PXDN: variants seen among roughly 807,000 people sequenced by gnomAD.
PXDN encodes peroxidasin homolog.
A neutral mutation model predicts 140.3 loss-of-function variants in PXDN; 77 were observed. The ratio of observed to expected loss-of-function variants is 0.55; its 90% confidence interval spans 0.46 to 0.66. The LOEUF (loss-of-function observed/expected upper bound fraction) is 0.66, where lower values mean the gene tolerates loss of function less well. PXDN is among the 30% of genes least tolerant of loss of function. The probability of loss-of-function intolerance (pLI) is 0.00; values close to 1 mark genes in which losing one functional copy is unlikely to be tolerated. For missense variants in PXDN, 1,838 were observed against 2,039.5 expected (o/e 0.90, Z 1.90); for synonymous variants, 911 against 857.4 (o/e 1.06, Z -1.09).
At chr2:1,655,827 CCA>C (rs201995861) in intron 14 of PXDN, among the ~76,000 whole-genome samples, 3 of 151,302 alleles carry the variant, frequency 2.0e-5, no homozygotes, top group African/African-American at 4.9e-5. Flanking sequence ...GACGCACACA[CCA>C]CACACACACA....
intron 1 of PXDN, among the ~76,000 whole-genome samples, chr2:1,742,852 C>A (rs995235801): frequency 6.6e-6 from 1 of 152,226 alleles, no homozygotes; most frequent in Non-Finnish European, 1.5e-5. Flanking sequence ...AAGCAGCCTG[C>A]AAACTCGGCG....
intron 6 of PXDN, among the ~76,000 whole-genome samples, chr2:1,680,726 C>T (rs552506002): frequency 6.6e-6 from 1 of 152,256 alleles, no homozygotes; most frequent in Non-Finnish European, 1.5e-5. Flanking sequence ...CAGGTGGGAG[C>T]CACTCACAGA....
chr2:1,635,321 C>T (rs1397494375), intron 22 of PXDN, 87 bp downstream of exon 22: 14 of 1,160,886 alleles, frequency 1.2e-5, no homozygotes, highest in Non-Finnish European at 1.8e-5. Flanking sequence ...CTGGCCCTGA[C>T]ATCTGGGCCA....
intron 1 of PXDN, among the ~76,000 whole-genome samples, chr2:1,694,756 G>A (rs746309532): frequency 1.3e-5 from 2 of 152,172 alleles, no homozygotes; most frequent in Non-Finnish European, 2.9e-5. Flanking sequence ...ACTGGGAGGC[G>A]GTGCTGGAGG....
intron 12 of PXDN, among the ~76,000 whole-genome samples, chr2:1,662,442 CAGAG>C (rs930044588): frequency 5.9e-5 from 9 of 152,212 alleles, no homozygotes; most frequent in Non-Finnish European, 1.3e-4. Flanking sequence ...CTTCCCTGCT[CAGAG>C]ACAGACAGCC....
intron 9 of PXDN, among the ~76,000 whole-genome samples, chr2:1,670,111 A>G (rs1572144667): frequency 6.6e-6 from 1 of 152,214 alleles, no homozygotes; most frequent in African/African-American, 2.4e-5. Flanking sequence ...TGGATTTTAC[A>G]CTATGCTACC....
intron 1 of PXDN, among the ~76,000 whole-genome samples, chr2:1,718,699 G>A (rs75915229): frequency 0.027 from 4,098 of 152,356 alleles, 168 homozygotes; most frequent in African/African-American, 0.093. Context: ...ACGGGGTGAC[G>A]CGGGCAGGGC....
chr2:1,651,392 C>G lies in PXDN; in HGVS notation c.2105-1717G>C, dbSNP rs772940322. Among the ~76,000 whole-genome samples the G allele has an allele frequency of 6.6e-6, 1 of 152,146 alleles. No homozygotes were observed. Among genetic ancestry groups the G allele is most frequent in the Non-Finnish European group, 1.5e-5 (1 of 68,032 alleles). On this transcript the variant is annotated intron_variant, in intron 16 of 22. Transcript: ENST00000252804. This position sits in a 1 kb window ranked among gnomAD's most constrained non-coding sequence, Gnocchi z 4.4. ...CCCAGTTTCCCAGGACTGGTTTGCC[C>G]ACATCTGTCCTCACCCCATGCAGAG...
intron 1 of PXDN, among the ~76,000 whole-genome samples, chr2:1,708,386 C>A (rs376008273): frequency 6.6e-6 from 1 of 152,318 alleles, no homozygotes; most frequent in East Asian, 1.9e-4. Context: ...CCTGAGGCCC[C>A]CTGTGGATGG....
chr2:1,649,149 G>T lies in PXDN; in HGVS notation c.2631C>A (p.Phe877Leu). 1 of 1,608,566 alleles carries T rather than the reference G, an allele frequency of 6.2e-7. No homozygotes were observed. Among genetic ancestry groups the T allele is most frequent in the South Asian group, 1.1e-5 (1 of 90,942 alleles). Residue 877 changes from phenylalanine to leucine, a missense_variant, in exon 17 of 23, where the codon TTC (phenylalanine) becomes TTA (leucine). Coordinates refer to ENST00000252804, the MANE Select transcript of PXDN (RefSeq NM_012293.3). This position sits in a 1 kb window ranked among gnomAD's most constrained non-coding sequence, Gnocchi z 7.1. ...SRARSGARCMFFVRSSPVCGS... is the reference protein window; with the variant it reads ...SRARSGARCMLFVRSSPVCGS... ...CGCACACAGGGCTGGAGCGCACGAA[G>T]AACATGCAGCGGGCCCCGCTCCTGG...
intron 21 of PXDN, chr2:1,637,196 G>A (rs11684077): frequency 0.85 from 129,929 of 152,570 alleles, 56,176 homozygotes; most frequent in East Asian, 1. Flanking sequence ...ATGACCTTGG[G>A]GTTCACAGAC....
intron 4 of PXDN, among the ~76,000 whole-genome samples, chr2:1,684,640 A>G (rs987994578): frequency 6.6e-6 from 1 of 152,222 alleles, no homozygotes; most frequent in Non-Finnish European, 1.5e-5. Context: ...AAGACCACAA[A>G]GGAAACACAA....
In PXDN at chr2:1,639,520, C is replaced by T. The variant is rs1229649461; in HGVS notation, c.3953-98G>A. The T allele has an allele frequency of 1.2e-5, 18 of 1,560,384 alleles. No homozygotes were observed. The South Asian group carries it at 1.3e-4, about 11-fold the overall frequency. On this transcript the variant is annotated intron_variant, in intron 19 of 22. Transcript: ENST00000252804. This position sits in a 1 kb window ranked among gnomAD's most constrained non-coding sequence, Gnocchi z 5.0. ...AACTATGAAGTCTTCACTGGCTGCC[C>T]GTGGAACAAACTGTGGCACATTTCA...
Position 1,691,918 on chromosome 2 carries a change from A to G in PXDN, c.344+10T>C, listed in dbSNP as rs1387655700. On this transcript the variant is annotated intron_variant, in intron 3 of 22. Transcript: ENST00000252804. ...AAGCTTTTAGGTTAAAGAACTGATC[A>G]TTAACTTACAGATATTTTAAATTTT... The G allele has an allele frequency of 1.4e-6, 2 of 1,455,332 alleles. No homozygotes were observed. The highest frequency in any genetic ancestry group is 1.9e-6 in the Non-Finnish European group (2 of 1,077,370). The allele number at this position is 1,455,332 out of a possible 1,614,324, so 90.2% of individuals were successfully genotyped here. A position where few individuals can be genotyped will look rare whatever the true frequency, so the allele number is the denominator to read the frequency against.
At chr2:1,740,494 G>A (rs1457417611) in intron 1 of PXDN, among the ~76,000 whole-genome samples, 1 of 151,974 alleles carries the variant, frequency 6.6e-6, no homozygotes. Context: ...AGGGCCTGGG[G>A]GGCCTGCAGG....
chr2:1,727,772 T>A (rs1685223119), intron 1 of PXDN, among the ~76,000 whole-genome samples: 1 of 152,230 alleles, frequency 6.6e-6, no homozygotes, highest in African/African-American at 2.4e-5. Flanking sequence ...GGCCTCCACG[T>A]GGCGTGTTCT....
intron 1 of PXDN, among the ~76,000 whole-genome samples, chr2:1,730,758 C>T (rs752516242): frequency 6.6e-6 from 1 of 152,134 alleles, no homozygotes; most frequent in Non-Finnish European, 1.5e-5. Context: ...TGAGGTCAAA[C>T]CCAAATCTGT....
At chr2:1,640,369 T>C (rs1218493811) in intron 19 of PXDN, among the ~76,000 whole-genome samples, 1 of 152,214 alleles carries the variant, frequency 6.6e-6, no homozygotes, top group Non-Finnish European at 1.5e-5. Context: ...AGAAATTCTA[T>C]GAGAAGAGAA....
intron 21 of PXDN, chr2:1,636,113 C>T (rs1682552756): frequency 5.5e-6 from 1 of 182,596 alleles, no homozygotes. Flanking sequence ...CACAGTACAG[C>T]ACCAAGCTGC....
Sources: gnomAD v4.1 joint callset for allele counts (sites outside exome capture counted in the v4.1 genomes callset) on GRCh38, gnomAD v4.1.1 for gene constraint, Gnocchi (gnomAD v3.1) non-coding constraint, MANE v1.5 for transcripts, NCBI Gene and HGNC (gene_info 2026-07-23, HGNC 2026-07-21) for gene names.